The following GRIK3 variants were observed in gnomAD, a reference collection of about 807,000 sequenced individuals.
GRIK3 encodes glutamate ionotropic receptor kainate type subunit 3.
GRIK3 carries 29 observed loss-of-function variants against 102.5 expected under a neutral mutation model. The observed-to-expected ratio is 0.28, with a 90% CI of 0.21 to 0.39. The LOEUF (loss-of-function observed/expected upper bound fraction) is 0.39, where lower values mean the gene tolerates loss of function less well. Ranked by LOEUF, GRIK3 falls within the 10% of genes least tolerant of loss-of-function variation. GRIK3 has a pLI of 1.00. For synonymous variants in GRIK3, 511 were observed against 504.9 expected (o/e 1.01, Z -0.16); for missense variants, 908 against 1,252.4 (o/e 0.73, Z 4.15).
chr1:36,861,027 C>A (rs1640717972), intron 5 of GRIK3, among the ~76,000 whole-genome samples: 1 of 152,152 alleles, frequency 6.6e-6, no homozygotes, highest in African/African-American at 2.4e-5. Flanking sequence ...AGATACTCCC[C>A]AAGGTTGTGG....
intron 5 of GRIK3, among the ~76,000 whole-genome samples, chr1:36,869,278 G>C (rs897873590): frequency 3.3e-5 from 5 of 152,176 alleles, no homozygotes; most frequent in Admixed American, 1.3e-4. Flanking sequence ...AATCCAAAGC[G>C]ACAATTCCCG....
chr1:36,962,883 CAAAAAAAA>C (rs57315084), intron 1 of GRIK3, among the ~76,000 whole-genome samples: 3 of 74,142 alleles, frequency 4.0e-5, no homozygotes, highest in Non-Finnish European at 8.5e-5. Flanking sequence ...GACTCCCTCT[CAAAAAAAA>C]AAAAAAAAAA....
chr1:36,845,158 G>A (rs1446793591), intron 9 of GRIK3, among the ~76,000 whole-genome samples: 1 of 152,182 alleles, frequency 6.6e-6, no homozygotes, highest in Admixed American at 6.5e-5. Context: ...CATTTCCTAG[G>A]GGGTAATTCT....
intron 1 of GRIK3, among the ~76,000 whole-genome samples, chr1:36,969,127 C>G (rs1169262575): frequency 6.6e-6 from 1 of 152,204 alleles, no homozygotes; most frequent in Non-Finnish European, 1.5e-5. Flanking sequence ...TCCAGCTCAT[C>G]CCCCAAGTCA....
At chr1:36,982,440 C>T (rs1423244040) in intron 1 of GRIK3, among the ~76,000 whole-genome samples, 1 of 152,238 alleles carries the variant, frequency 6.6e-6, no homozygotes, top group East Asian at 1.9e-4. Flanking sequence ...GCCTCGCGTC[C>T]TTGCTACTTA....
intron 1 of GRIK3, among the ~76,000 whole-genome samples, chr1:37,000,108 T>C (rs1642459790): frequency 6.6e-6 from 1 of 152,248 alleles, no homozygotes; most frequent in African/African-American, 2.4e-5. Context: ...CCCAGGAGTT[T>C]TGCTCTTTTG....
At chr1:37,014,587 C>G (rs993267077) in intron 1 of GRIK3, among the ~76,000 whole-genome samples, 1 of 152,220 alleles carries the variant, frequency 6.6e-6, no homozygotes, top group Non-Finnish European at 1.5e-5. Context: ...CACTCTGTGC[C>G]AGGCAGGCAC....
rs1440327009 is a variant in GRIK3, at chr1:36,857,240, G to A, written c.1104+1868C>T. Among the ~76,000 whole-genome samples the A allele has an allele frequency of 2.6e-5, 4 of 152,136 alleles. No homozygotes were observed. In the East Asian group the frequency reaches 7.7e-4, roughly 29 times the overall value. Reference sequence around the variant, plus strand: ...GGATCGAGGTGTGGCCTGGGACACCGACACCCTCACAGTGGCCTCACACAG... The same window carrying A: ...GGATCGAGGTGTGGCCTGGGACACCAACACCCTCACAGTGGCCTCACACAG... On this transcript the variant is annotated intron_variant, in intron 7 of 15. Coordinates refer to ENST00000373091, the MANE Select transcript of GRIK3 (RefSeq NM_000831.4).
At chr1:36,942,876 G>T (rs525048) in intron 1 of GRIK3, among the ~76,000 whole-genome samples, 1 of 152,142 alleles carries the variant, frequency 6.6e-6, no homozygotes, top group Non-Finnish European at 1.5e-5. Flanking sequence ...GGAAGTGGGG[G>T]ACCACTCTCC....
At chr1:36,947,010 T>C (rs552018922) in intron 1 of GRIK3, among the ~76,000 whole-genome samples, 1 of 152,244 alleles carries the variant, frequency 6.6e-6, no homozygotes, top group South Asian at 2.1e-4. Context: ...ACTTGGGATT[T>C]GGACCGTGGA....
chr1:36,807,723 A>G (rs928073923), intron 13 of GRIK3, among the ~76,000 whole-genome samples: 1 of 152,168 alleles, frequency 6.6e-6, no homozygotes, highest in African/African-American at 2.4e-5. Flanking sequence ...TGGGGACAGG[A>G]AGGGGCCCCA....
intron 13 of GRIK3, among the ~76,000 whole-genome samples, chr1:36,812,808 T>C (rs1642578291): frequency 1.3e-5 from 2 of 152,164 alleles, no homozygotes; most frequent in Non-Finnish European, 2.9e-5. Context: ...ATCAGGAACA[T>C]GCTAACCACA....
intron 5 of GRIK3, among the ~76,000 whole-genome samples, chr1:36,860,281 G>A (rs148560317): frequency 1.8e-4 from 28 of 152,226 alleles, no homozygotes; most frequent in Middle Eastern, 3.4e-3. Context: ...CCACAAATGG[G>A]GTTCAATCCC....
chr1:36,825,268 A>AC (rs1642743087), intron 11 of GRIK3, among the ~76,000 whole-genome samples: 1 of 152,136 alleles, frequency 6.6e-6, no homozygotes, highest in Admixed American at 6.5e-5. Flanking sequence ...AGTCTGCTGC[A>AC]CCAGGTGCCT....
chr1:36,837,437 A>G (rs146214180), intron 10 of GRIK3, among the ~76,000 whole-genome samples: 3 of 151,658 alleles, frequency 2.0e-5, no homozygotes, highest in South Asian at 2.1e-4. Flanking sequence ...TATCCAACCA[A>G]TCGGGAGCCT....
In GRIK3 at chr1:36,805,148, C is replaced by T; in HGVS notation, c.2404G>A (p.Gly802Ser). ...TTTTCCTCCTCAGGACACCCGCTGC[C>T]CCGCCACCACTTCTCCTTCATGATA... ...LHIMKEKWWR[G>S]SGCPEEENKE... The change falls in exon 15 of 16, where the codon GGC (glycine) becomes AGC (serine). Residue 802 changes from glycine (G) to serine (S), a missense_variant. Coordinates refer to ENST00000373091, the MANE Select transcript of GRIK3 (RefSeq NM_000831.4). The T allele has an allele frequency of 6.2e-7, 1 of 1,614,202 alleles. No individual in the cohort carries two copies. Among genetic ancestry groups the T allele is most frequent in the South Asian group, 1.1e-5 (1 of 91,084 alleles).
At chr1:36,884,540 A>C (rs1003778142) in intron 2 of GRIK3, among the ~76,000 whole-genome samples, 6 of 152,158 alleles carry the variant, frequency 3.9e-5, no homozygotes, top group African/African-American at 1.4e-4. Flanking sequence ...GCTGGGTACC[A>C]ACATGGAAGA....
chr1:36,907,938 G>T (rs1359239038), intron 1 of GRIK3, among the ~76,000 whole-genome samples: 1 of 152,090 alleles, frequency 6.6e-6, no homozygotes, highest in Non-Finnish European at 1.5e-5. Context: ...AGGAGGAGGG[G>T]TCACTCACCT....
chr1:36,977,607 T>A (rs1642208073), intron 1 of GRIK3, among the ~76,000 whole-genome samples: 1 of 152,068 alleles, frequency 6.6e-6, no homozygotes, highest in Non-Finnish European at 1.5e-5. Flanking sequence ...CTGAAGGTGG[T>A]CTTAGGGGAG....
Sources: gnomAD v4.1 joint callset for allele counts (sites outside exome capture counted in the v4.1 genomes callset) on GRCh38, gnomAD v4.1.1 for gene constraint, MANE v1.5 for transcripts, NCBI Gene and HGNC (gene_info 2026-07-23, HGNC 2026-07-21) for gene names.